NEDD4L: variants seen among roughly 807,000 people sequenced by gnomAD.
NEDD4L encodes NEDD4 like E3 ubiquitin protein ligase.
NEDD4L carries 54 observed loss-of-function variants against 148.9 expected under a neutral mutation model. The ratio of observed to expected loss-of-function variants is 0.36; its 90% CI spans 0.29 to 0.45. The LOEUF is 0.45. NEDD4L is among the 20% of genes least tolerant of loss of function. The pLI, the probability that NEDD4L is intolerant of heterozygous loss-of-function variation, is 1.00. For synonymous variants in NEDD4L, 433 were observed against 440.7 expected (o/e 0.98, Z 0.22); for missense variants, 856 against 1,233.8 (o/e 0.69, Z 4.59).
At chr18:58,186,603 A>G (rs2039509740) in intron 2 of NEDD4L, among the ~76,000 whole-genome samples, 1 of 152,216 alleles carries the variant, frequency 6.6e-6, no homozygotes, top group Non-Finnish European at 1.5e-5. Context: ...TATATGGCAT[A>G]ATTAAATCAT....
intron 1 of NEDD4L, chr18:58,091,534 T>C (rs2084071674): frequency 6.6e-6 from 1 of 152,304 alleles, no homozygotes; most frequent in Non-Finnish European, 1.5e-5. Context: ...CAGTACCTGC[T>C]CCCTTCACTG....
intron 18 of NEDD4L, among the ~76,000 whole-genome samples, chr18:58,354,970 C>T (rs911231986): frequency 2.0e-5 from 3 of 152,210 alleles, no homozygotes; most frequent in African/African-American, 7.2e-5. Flanking sequence ...TTCCGAGAAA[C>T]GCAGCATTGC....
At position 58,397,950 on chromosome 18, in the gene NEDD4L, G is replaced by A. The variant is rs1193932013; in HGVS notation, c.*1681G>A. On this transcript the variant is annotated 3_prime_UTR_variant, in exon 31 of 31. Coordinates refer to ENST00000400345, the MANE Select transcript of NEDD4L (RefSeq NM_001144967.3). ...GTTTGTTACATAAAAAGGACCTTTC[G>A]GTGTAAGAAATTGCCGTTTTTACCC... 1 of 152,180 alleles carries A rather than the reference G, an allele frequency of 6.6e-6. No homozygotes were observed. The highest frequency in any genetic ancestry group is 2.4e-5 in the African/African-American group (1 of 41,306). 9.4% of individuals were successfully genotyped at this position (152,180 alleles called of 1,614,324 possible). A position where few individuals can be genotyped will look rare whatever the true frequency, so the allele number is the denominator to read the frequency against.
At chr18:58,122,197 A>G (rs954940501) in intron 1 of NEDD4L, among the ~76,000 whole-genome samples, 4 of 152,204 alleles carry the variant, frequency 2.6e-5, no homozygotes, top group Non-Finnish European at 5.9e-5. Flanking sequence ...AGTTGCTGAC[A>G]AGTGTCTAAA....
intron 6 of NEDD4L, among the ~76,000 whole-genome samples, chr18:58,321,221 A>G (rs1415244535): frequency 1.3e-5 from 2 of 152,212 alleles, no homozygotes; most frequent in Admixed American, 6.5e-5. Context: ...GATATGAGGA[A>G]GATACAGCAG....
chr18:58,345,501 C>A lies in NEDD4L; in HGVS notation c.1575+2398C>A, dbSNP rs2042930957. Among the ~76,000 whole-genome samples, 4 of 152,208 alleles carry A rather than the reference C, an allele frequency of 2.6e-5. No individual in the cohort carries two copies. The South Asian group carries it at 6.2e-4, about 24-fold the overall frequency. On this transcript the variant is annotated intron_variant, in intron 16 of 30. Coordinates refer to ENST00000400345, the MANE Select transcript of NEDD4L (RefSeq NM_001144967.3). ...CATTAGAATAGAAAAAGGAAAAAAA[C>A]TGGTAGGACAGGTTGAAAATGATGA...
chr18:58,117,628 A>G (rs1287399988), intron 1 of NEDD4L, among the ~76,000 whole-genome samples: 1 of 152,212 alleles, frequency 6.6e-6, no homozygotes, highest in African/African-American at 2.4e-5. Context: ...GGCCAGAGCA[A>G]TAGGGGGAGG....
intron 2 of NEDD4L, among the ~76,000 whole-genome samples, chr18:58,240,706 C>T (rs1163856498): frequency 6.6e-6 from 1 of 152,142 alleles, no homozygotes; most frequent in Non-Finnish European, 1.5e-5. Context: ...CGGAGGCCTT[C>T]CGTTGGGTCC....
Position 58,264,735 on chromosome 18 carries a change from G to A in NEDD4L, c.297+12681G>A, listed in dbSNP as rs370722025. ...ATAGTAACTTCTTATTAACTGTCGT[G>A]CTGAGGACATGGACTACTGTGCTGT... On this transcript the variant is annotated intron_variant, in intron 5 of 30. Coordinates refer to ENST00000400345, the MANE Select transcript of NEDD4L (RefSeq NM_001144967.3). Among the ~76,000 whole-genome samples the A allele has an allele frequency of 8.2e-4, 125 of 152,110 alleles. 1 individual carries two copies. The highest frequency in any genetic ancestry group is 6.8e-3 in the Middle Eastern group (2 of 294).
rs985199022 is a variant in NEDD4L at position 58,401,050 on chromosome 18, A to G, written c.*4781A>G. ...TCCAAGCTGTGTCCTGTGAATTTCAACCCTTGGAGCCTAAGAAAACCCTAG... is the reference window on the plus strand; with the variant it reads ...TCCAAGCTGTGTCCTGTGAATTTCAGCCCTTGGAGCCTAAGAAAACCCTAG... On this transcript the variant is annotated 3_prime_UTR_variant, in exon 31 of 31. Transcript: ENST00000400345. 1.7e-4 allele frequency: 26 copies of G among 152,100 alleles called. No individual in the cohort carries two copies. The highest frequency in any genetic ancestry group is 6.3e-4 in the African/African-American group (26 of 41,400). The allele number at this position is 152,100 out of a possible 1,614,324, so 9.4% of individuals were successfully genotyped here. A position where few individuals can be genotyped will look rare whatever the true frequency, so the allele number is the denominator to read the frequency against.
chr18:58,215,981 ATT>A (rs918205882), intron 2 of NEDD4L, among the ~76,000 whole-genome samples: 3 of 144,626 alleles, frequency 2.1e-5, no homozygotes, highest in African/African-American at 5.0e-5. Context: ...CAAAACAAGA[ATT>A]TTTTTTTTTT....
At chr18:58,137,133 C>T (rs1407817611) in intron 1 of NEDD4L, among the ~76,000 whole-genome samples, 1 of 152,154 alleles carries the variant, frequency 6.6e-6, no homozygotes, top group Non-Finnish European at 1.5e-5. Flanking sequence ...AACTTGGCTA[C>T]CATAGAAGCT....
At chr18:58,332,779 G>A (rs2041172236) in intron 11 of NEDD4L, among the ~76,000 whole-genome samples, 1 of 152,164 alleles carries the variant, frequency 6.6e-6, no homozygotes, top group Admixed American at 6.5e-5. Flanking sequence ...CTGATACTAT[G>A]GATGAACTTG....
chr18:58,125,583 T>C (rs2030924433), intron 1 of NEDD4L, among the ~76,000 whole-genome samples: 1 of 152,084 alleles, frequency 6.6e-6, no homozygotes, highest in African/African-American at 2.4e-5. Context: ...CCTTATATGA[T>C]CTCGAGTCAC....
intron 3 of NEDD4L, among the ~76,000 whole-genome samples, chr18:58,248,066 AT>A (rs1168007997): frequency 6.6e-6 from 1 of 152,238 alleles, no homozygotes; most frequent in African/African-American, 2.4e-5. Flanking sequence ...TTGACTAAAA[AT>A]ATCTATCGCT....
chr18:58,323,266 A>G lies in NEDD4L; in HGVS notation c.445A>G (p.Lys149Glu), dbSNP rs758216461. 1.2e-6 allele frequency: 2 copies of G among 1,604,984 alleles called. No homozygotes were observed. Among genetic ancestry groups the G allele is most frequent in the African/African-American group, 1.3e-5 (1 of 74,826 alleles). ...KSRVKGFLRL[K>E]MAYMPKNGGQ... Reference sequence around the variant, plus strand: ...TCGAGTTAAGGGATTTTTGCGATTGAAAATGGCCTATATGCCAAAAAATGG... The same window carrying G: ...TCGAGTTAAGGGATTTTTGCGATTGGAAATGGCCTATATGCCAAAAAATGG... The change falls in exon 8 of 31, where the codon AAA becomes GAA. Residue 149 changes from lysine to glutamate, a missense_variant. This residue lies in a region of NEDD4L where 193 missense variants were observed against 244.2 expected (regional missense o/e 0.79). Transcript: ENST00000400345.
chr18:58,253,595 G>T (rs747020639), intron 5 of NEDD4L, among the ~76,000 whole-genome samples: 1 of 152,160 alleles, frequency 6.6e-6, no homozygotes, highest in African/African-American at 2.4e-5. Context: ...ATAACAGTAC[G>T]TTCCTGGAGA....
intron 1 of NEDD4L, among the ~76,000 whole-genome samples, chr18:58,115,706 T>C (rs1235060406): frequency 6.6e-6 from 1 of 152,180 alleles, no homozygotes; most frequent in East Asian, 1.9e-4. Flanking sequence ...TCCTCTCTTG[T>C]GTTGCGTGGC....
In NEDD4L at chr18:58,381,644, G is replaced by A. The variant is rs932275994; in HGVS notation, c.2353-1602G>A. ...TGGGATTTATTAACTTGTCATTGACGTGGATCTGATAAGAAAACTCTTACC... is the reference window on the plus strand; with the variant it reads ...TGGGATTTATTAACTTGTCATTGACATGGATCTGATAAGAAAACTCTTACC... On this transcript the variant is annotated intron_variant, in intron 24 of 30. Coordinates refer to ENST00000400345, the MANE Select transcript of NEDD4L (RefSeq NM_001144967.3). 7.2e-5 allele frequency among the ~76,000 whole-genome samples: 11 copies of A among 152,290 alleles called. No homozygotes were observed. In the East Asian group the frequency reaches 1.7e-3, roughly 24 times the overall value.
Sources: allele counts gnomAD v4.1 joint callset (sites outside exome capture counted in the v4.1 genomes callset), GRCh38; gene constraint gnomAD v4.1.1; regional missense constraint gnomAD v4.1.1; transcripts MANE v1.5; gene names NCBI Gene and HGNC (gene_info 2026-07-23, HGNC 2026-07-21).